The following PIH1D1 variants were observed in gnomAD, a reference collection of about 807,000 sequenced individuals.
PIH1D1 encodes PIH1 domain-containing protein 1.
A neutral mutation model predicts 38.5 loss-of-function variants in PIH1D1; 28 were observed. The observed-to-expected ratio is 0.73, with a 90% CI of 0.54 to 1.00. The LOEUF (loss-of-function observed/expected upper bound fraction) is 1.00, where lower values mean the gene tolerates loss of function less well. Among genes scored for constraint, PIH1D1 ranks in the 50% least tolerant of loss-of-function variants. The pLI is 0.00. For missense variants in PIH1D1, 343 were observed against 369.9 expected, an observed-to-expected ratio of 0.93 and a Z score of 0.60; for synonymous variants, 155 against 153.5, an observed-to-expected ratio of 1.01 and a Z score of -0.07.
chr19:49,448,369 G>A, intron 3 of PIH1D1: 1 of 458,162 alleles, frequency 2.2e-6, no homozygotes, highest in Non-Finnish European at 4.0e-6. Flanking sequence ...TGGCGTTGGA[G>A]ACCCTATGTG....
intron 7 of PIH1D1, 96 bp downstream of exon 7, chr19:49,446,928 A>C: frequency 1.7e-6 from 2 of 1,206,084 alleles, no homozygotes; most frequent in Non-Finnish European, 2.4e-6. Flanking sequence ...CGCAACTGAC[A>C]AGTCCAGCAA....
intron 6 of PIH1D1, 116 bp from the exon 7 acceptor site, chr19:49,447,215 G>T: frequency 6.6e-7 from 1 of 1,503,856 alleles, no homozygotes; most frequent in South Asian, 1.2e-5. Flanking sequence ...CCAGTCAGGA[G>T]TTCTCTCTCC....
chr19:49,446,514 C>A (rs1196176969), intron 8 of PIH1D1, 37 bp downstream of exon 8: 1 of 1,610,364 alleles, frequency 6.2e-7, no homozygotes, highest in African/African-American at 1.3e-5. Flanking sequence ...CAGGCCCCGC[C>A]AATGTCCCAG....
Position 49,447,728 on chromosome 19 carries a change from C to T in PIH1D1, c.481+99G>A, listed in dbSNP as rs1399619186. Reference sequence around the variant, plus strand: ...CACCCCCTCCTAGTAGCACAGACTCCAGGGCACCCTGCCCAAGCCAGCCCC... The same window carrying T: ...CACCCCCTCCTAGTAGCACAGACTCTAGGGCACCCTGCCCAAGCCAGCCCC... On this transcript the variant is annotated intron_variant, in intron 5 of 8. Transcript: ENST00000262265. 3.1e-6 allele frequency: 4 copies of T among 1,280,494 alleles called. No homozygotes were observed. In the African/African-American group the frequency reaches 5.8e-5, roughly 19 times the overall value. 79.3% of individuals were successfully genotyped at this position (1,280,494 alleles called of 1,614,324 possible).
rs755747795 is a variant in PIH1D1 at position 49,447,021 on chromosome 19, C to T, written c.687+3G>A. On this transcript the variant is annotated splice_donor_region_variant and intron_variant, in intron 7 of 8. Coordinates refer to ENST00000262265, the MANE Select transcript of PIH1D1 (RefSeq NM_017916.3). Reference sequence around the variant, plus strand: ...CTGCTCTGGTCCAGCGCGCAAAACTCACCAGTTTGGGGAGGTCAACTTCGG... The same window carrying T: ...CTGCTCTGGTCCAGCGCGCAAAACTTACCAGTTTGGGGAGGTCAACTTCGG... The T allele has an allele frequency of 1.9e-6, 3 of 1,612,246 alleles. No individual in the cohort carries two copies. The highest frequency in any genetic ancestry group is 2.5e-6 in the Non-Finnish European group (3 of 1,178,486).
intron 3 of PIH1D1, chr19:49,448,283 A>G: frequency 1.7e-6 from 1 of 578,804 alleles, no homozygotes; most frequent in South Asian, 2.0e-5. Context: ...ACTAGAGTTG[A>G]CCCTATCCCT....
At chr19:49,450,441 CAG>C (rs528686151) in intron 2 of PIH1D1, among the ~76,000 whole-genome samples, 80 of 152,196 alleles carry the variant, frequency 5.3e-4, no homozygotes, top group African/African-American at 1.9e-3. Flanking sequence ...GTTTTTGAGA[CAG>C]AGTCTCGCTC....
intron 6 of PIH1D1, 73 bp downstream of exon 6, chr19:49,447,265 T>C: frequency 3.2e-6 from 5 of 1,583,360 alleles, no homozygotes; most frequent in Non-Finnish European, 3.5e-6. Context: ...CATCACCCAG[T>C]GTGGGAGGAT....
intron 7 of PIH1D1, 129 bp downstream of exon 7, chr19:49,446,895 T>TAGA (rs2079026816): frequency 9.2e-7 from 1 of 1,081,244 alleles, no homozygotes; most frequent in South Asian, 1.3e-5. Flanking sequence ...GAAGGTGGCC[T>TAGA]GTGGGCCTCC....
Position 49,447,828 on chromosome 19 carries a change from C to G in PIH1D1, c.480G>C (p.Pro160=). The G allele has an allele frequency of 2.5e-6, 4 of 1,614,038 alleles. No individual in the cohort carries two copies. The highest frequency in any genetic ancestry group is 3.4e-6 in the Non-Finnish European group (4 of 1,179,906). ...GAGGGCCCAGGACCTGCCCCTCACCCGGATTCAGCTGCAAGTTGTATTTGT... is the reference window on the plus strand; with the variant it reads ...GAGGGCCCAGGACCTGCCCCTCACCGGGATTCAGCTGCAAGTTGTATTTGT... ...LEDKYNLQLN[P]EWRMMKNRPF... Residue 160 remains proline (P), a splice_region_variant and synonymous_variant, in exon 5 of 9, where the codon CCG becomes CCC. Coordinates refer to ENST00000262265, the MANE Select transcript of PIH1D1 (RefSeq NM_017916.3).
chr19:49,451,177 C>T (rs2079057216), intron 1 of PIH1D1, among the ~76,000 whole-genome samples: 1 of 151,854 alleles, frequency 6.6e-6, no homozygotes, highest in South Asian at 2.1e-4. Flanking sequence ...CTACAGGTGC[C>T]CGCCACCACG....
intron 3 of PIH1D1, 145 bp downstream of exon 3, chr19:49,449,330 A>G: frequency 1.2e-6 from 1 of 807,584 alleles, no homozygotes; most frequent in Non-Finnish European, 2.1e-6. Context: ...CCAGGGCACT[A>G]GAGATCTACC....
At chr19:49,446,977 C>T (rs2079027251) in intron 7 of PIH1D1, 47 bp downstream of exon 7, 2 of 1,485,228 alleles carry the variant, frequency 1.3e-6, no homozygotes, top group South Asian at 1.1e-5. Context: ...AGTCCCTGAC[C>T]TTTCCAGACC....
Position 49,448,049 on chromosome 19 carries a change from A to C in PIH1D1, c.351T>G (p.Cys117Trp). The C allele has an allele frequency of 6.2e-7, 1 of 1,614,198 alleles. No individual in the cohort carries two copies. ...HAELDAKGQG[C>W]TAYDVAVNSD... ...TGTTGACAGCTACGTCGTAGGCGGT[A>C]CATCCCTGGCCTTCTGCGGGGAGAA... The change falls in exon 4 of 9, where the codon TGT becomes TGG. Residue 117 changes from cysteine (C) to tryptophan (W), a missense_variant. Cys to Trp is a radical substitution (Grantham distance 215). Transcript: ENST00000262265.
rs2946862 is a variant in PIH1D1 at position 49,447,686 on chromosome 19, T to C, written c.481+141A>G. On this transcript the variant is annotated intron_variant, in intron 5 of 8. Coordinates refer to ENST00000262265, the MANE Select transcript of PIH1D1 (RefSeq NM_017916.3). ...TGGAGATGTTCCTGGCCCCGCCCCC[T>C]CAGGGCGTCCAGACTCCACCCCCTC... 1.5e-3 allele frequency: 1,449 copies of C among 983,952 alleles called. 18 individuals are homozygous for C. In the African/African-American group the frequency reaches 0.02, roughly 13 times the overall value. The allele number at this position is 983,952 out of a possible 1,614,324, so 61.0% of individuals were successfully genotyped here. A position where few individuals can be genotyped will look rare whatever the true frequency, so the allele number is the denominator to read the frequency against.
intron 3 of PIH1D1, chr19:49,448,311 T>A: frequency 1.9e-6 from 1 of 536,028 alleles, no homozygotes; most frequent in South Asian, 2.2e-5. Flanking sequence ...TCACAGCTCT[T>A]CTCTGGCTCC....
Position 49,446,605 on chromosome 19 carries a change from G to GA in PIH1D1, c.776dup (p.Leu261AlafsTer7). On this transcript the variant is annotated frameshift_variant, in exon 8 of 9. Coordinates refer to ENST00000262265, the MANE Select transcript of PIH1D1 (RefSeq NM_017916.3). LOFTEE classifies it high-confidence loss of function. ...TCTCATGAGAGTTGATCTGCAGCGG[G>GA]ATATAAGCGTCTAGATGATACAGCT... The GA allele has an allele frequency of 3.7e-6, 6 of 1,613,974 alleles. No homozygotes were observed. Among genetic ancestry groups the GA allele is most frequent in the Non-Finnish European group, 5.1e-6 (6 of 1,179,934 alleles).
chr19:49,451,413 C>T lies in PIH1D1; in HGVS notation c.90+72G>A, dbSNP rs748925280. 22 of 1,600,542 alleles carry T rather than the reference C, an allele frequency of 1.4e-5. No homozygotes were observed. The South Asian group carries it at 2.4e-4, about 18-fold the overall frequency. On this transcript the variant is annotated intron_variant, in intron 1 of 8. Transcript: ENST00000262265. ...TTCCCGCCTTAGTGCATTCTGGGAACTGCAGTCCCATCTTTGAGCACCCCG... is the reference window on the plus strand; with the variant it reads ...TTCCCGCCTTAGTGCATTCTGGGAATTGCAGTCCCATCTTTGAGCACCCCG...
In PIH1D1 at chr19:49,447,446, C is replaced by A. The variant is rs758486822; in HGVS notation, c.503G>T (p.Arg168Leu). 1.9e-6 allele frequency: 3 copies of A among 1,610,808 alleles called. No individual in the cohort carries two copies. Among genetic ancestry groups the A allele is most frequent in the Non-Finnish European group, 1.7e-6 (2 of 1,179,956 alleles). ...CTGCGAGATGGAGCCCATGAATGGC[C>A]GGTTCTTCATCATGCGCCATTCTGA... The part of the protein sequence containing the change: ...LNPEWRMMKN[R>L]PFMGSISQQN... The change falls in exon 6 of 9, where the codon CGG becomes CTG. Residue 168 changes from arginine to leucine, a missense_variant. Physicochemically the swap from Arg to Leu is moderately radical, Grantham distance 102 (BLOSUM62 -2). Transcript: ENST00000262265.
Sources: gnomAD v4.1 joint callset for allele counts (sites outside exome capture counted in the v4.1 genomes callset) on GRCh38, gnomAD v4.1.1 for gene constraint, MANE v1.5 for transcripts, NCBI Gene and HGNC (gene_info 2026-07-23, HGNC 2026-07-21) for gene names.